AACS: variants seen among roughly 807,000 people sequenced by gnomAD.
The protein encoded by AACS is acetoacetyl-CoA synthetase, also known as acetoacetate-CoA ligase.
AACS carries 69 observed loss-of-function variants against 83.1 expected under a neutral mutation model. That is an observed-to-expected ratio of 0.83 (90% CI 0.68 to 1.01). The LOEUF (loss-of-function observed/expected upper bound fraction) is 1.01. Ranked by LOEUF, AACS falls within the 50% of genes least tolerant of loss-of-function variation. AACS has a pLI of 0.00. For missense variants in AACS, 866 were observed against 882.2 expected, an observed-to-expected ratio of 0.98 and a Z score of 0.23; for synonymous variants, 333 against 343.4, an observed-to-expected ratio of 0.97 and a Z score of 0.33.
At chr12:125,089,321 G>C (rs1014833358) in intron 4 of AACS, among the ~76,000 whole-genome samples, 31 of 152,256 alleles carry the variant, frequency 2.0e-4, no homozygotes, top group Admixed American at 9.2e-4. Flanking sequence ...CCCACTGCAG[G>C]GGGGAGAAGG....
rs182515292 is a variant in AACS at position 125,113,395 on chromosome 12, G to A, written c.916-1082G>A. 7.2e-4 allele frequency among the ~76,000 whole-genome samples: 109 copies of A among 152,342 alleles called. No homozygotes were observed. The highest frequency in any genetic ancestry group is 1.7e-3 in the African/African-American group (71 of 41,576). The stretch of plus-strand genomic sequence containing the variant: ...TGGTCACTGAAGGGGCAGCATCCCC[G>A]TCTGTCCTCAGGATCTTGTACGAGA... On this transcript the variant is annotated intron_variant, in intron 8 of 17. Coordinates refer to ENST00000316519, the MANE Select transcript of AACS (RefSeq NM_023928.5). This position sits in a 1 kb window ranked among gnomAD's most constrained non-coding sequence, Gnocchi z 4.8.
chr12:125,106,629 G>A (rs561503429), intron 7 of AACS, among the ~76,000 whole-genome samples: 13 of 152,130 alleles, frequency 8.5e-5, no homozygotes, highest in Non-Finnish European at 1.6e-4. Context: ...TCCCCACGGG[G>A]GAAGCATCTT....
In AACS at chr12:125,129,343, G is replaced by C. The variant is rs1396794078; in HGVS notation, c.1432G>C (p.Val478Leu). The C allele has an allele frequency of 3.7e-6, 6 of 1,613,140 alleles. No homozygotes were observed. The South Asian group carries it at 6.6e-5, about 18-fold the overall frequency. Reference sequence around the variant, plus strand: ...TAATTCTCCCATACCAGGAAAGGCGGTCTGGGGAGAGAGCGGCGAGCTGGT... The same window carrying C: ...TAATTCTCCCATACCAGGAAAGGCGCTCTGGGGAGAGAGCGGCGAGCTGGT... The part of the protein sequence containing the change: ...VEAWNEEGKA[V>L]WGESGELVCT... Residue 478 changes from valine to leucine, a missense_variant, in exon 14 of 18, where the codon GTC (valine) becomes CTC (leucine). Physicochemically the swap from Val to Leu is conservative, Grantham distance 32. Transcript: ENST00000316519. The surrounding 1 kb of genome is among the most constrained non-coding windows in gnomAD (Gnocchi z 4.3).
intron 3 of AACS, 35 bp from the exon 4 acceptor site, chr12:125,086,295 G>GGT: frequency 6.3e-7 from 1 of 1,583,062 alleles, no homozygotes; most frequent in Non-Finnish European, 8.7e-7. Flanking sequence ...TTTTTGCGGT[G>GGT]GTCTGTGTAC....
rs555038853 is a variant in AACS, at chr12:125,097,066, A to G, written c.570+5543A>G. ...CTTCTGATGGATTTGGGCAGGGTGT[A>G]TGTTAGCATCAGACGCAAGGAGGGC... is the stretch of plus-strand genomic sequence containing the variant. On this transcript the variant is annotated intron_variant, in intron 5 of 17. Transcript: ENST00000316519. This position sits in a 1 kb window ranked among gnomAD's most constrained non-coding sequence, Gnocchi z 4.3. Among the ~76,000 whole-genome samples the G allele has an allele frequency of 3.9e-5, 6 of 152,118 alleles. No individual in the cohort carries two copies. The East Asian group carries it at 7.7e-4, about 20-fold the overall frequency.
intron 1 of AACS, among the ~76,000 whole-genome samples, chr12:125,068,997 G>GC (rs1408167576): frequency 1.1e-4 from 17 of 152,044 alleles, no homozygotes; most frequent in African/African-American, 3.9e-4. Context: ...GCAACACCAA[G>GC]CCCGGCTAAT....
At chr12:125,128,496 G>T in intron 13 of AACS, 1 of 406,360 alleles carries the variant, frequency 2.5e-6, no homozygotes. Flanking sequence ...CTGGAGGACA[G>T]GTGGAGAGAT....
At chr12:125,114,401 C>A (rs1201337639) in intron 8 of AACS, 76 bp from the exon 9 acceptor site, 2 of 1,228,174 alleles carry the variant, frequency 1.6e-6, no homozygotes, top group Non-Finnish European at 2.3e-6. Flanking sequence ...GTCTGAGCAG[C>A]GCGTGGGCCA....
intron 10 of AACS, chr12:125,121,643 G>A (rs1168322583): frequency 6.6e-6 from 1 of 152,228 alleles, no homozygotes; most frequent in Non-Finnish European, 1.5e-5. Flanking sequence ...ACAGAATTAG[G>A]GCCAGGACCC....
intron 3 of AACS, among the ~76,000 whole-genome samples, chr12:125,082,363 A>G (rs1264473973): frequency 6.9e-6 from 1 of 144,748 alleles, no homozygotes; most frequent in South Asian, 2.2e-4. Context: ...TTTTTAAGAG[A>G]TGGGGTCTCC....
intron 5 of AACS, among the ~76,000 whole-genome samples, chr12:125,100,100 C>T (rs1592971441): frequency 6.6e-6 from 1 of 152,212 alleles, no homozygotes; most frequent in Non-Finnish European, 1.5e-5. Flanking sequence ...ACTGCAGCCT[C>T]GAGCTCCTGG....
At chr12:125,072,602 T>C (rs948445064) in intron 1 of AACS, among the ~76,000 whole-genome samples, 1 of 152,196 alleles carries the variant, frequency 6.6e-6, no homozygotes, top group Admixed American at 6.5e-5. Context: ...CTGTATGGCT[T>C]CCCTTGGTCC....
At position 125,114,536 on chromosome 12, in the gene AACS, C is replaced by T; in HGVS notation, c.975C>T (p.Asp325=). 6.2e-7 allele frequency: 1 copy of T among 1,612,584 alleles called. No individual in the cohort carries two copies. The highest frequency in any genetic ancestry group is 8.5e-7 in the Non-Finnish European group (1 of 1,179,318). The change falls in exon 9 of 18, where the codon GAC becomes GAT. Residue 325 remains aspartate (D), a synonymous_variant. Transcript: ENST00000316519. The part of the protein sequence containing the change: ...HLLHGNMTSS[D]ILLCYTTVGW... ...TGCACGGCAACATGACCAGCAGTGACATCCTCCTGTGCTACACCACGGTAA... is the reference window on the plus strand; with the variant it reads ...TGCACGGCAACATGACCAGCAGTGATATCCTCCTGTGCTACACCACGGTAA...
chr12:125,076,712 A>G, intron 3 of AACS, 101 bp downstream of exon 3: 3 of 1,515,328 alleles, frequency 2.0e-6, no homozygotes, highest in South Asian at 1.2e-5. Flanking sequence ...TCTAAACCAT[A>G]TGTTGGCACC....
chr12:125,082,776 G>T (rs1014173016), intron 3 of AACS, among the ~76,000 whole-genome samples: 2 of 152,088 alleles, frequency 1.3e-5, no homozygotes, highest in African/African-American at 2.4e-5. Context: ...AGCTGAAATG[G>T]TGCCATTGCA....
chr12:125,142,495 C>A lies in AACS; in HGVS notation c.*266C>A, dbSNP rs1175165291. The A allele has an allele frequency of 4.1e-5, 20 of 483,364 alleles. No individual in the cohort carries two copies. In the East Asian group the frequency reaches 6.9e-4, roughly 17 times the overall value. 29.9% of individuals were successfully genotyped at this position (483,364 alleles called of 1,614,324 possible). On this transcript the variant is annotated 3_prime_UTR_variant, in exon 18 of 18. Transcript: ENST00000316519. ...TGTGGTGAGAGTGTGTGTCTTTGCA[C>A]ACACAGTGCAGCGGGAACGGTGGGG...
chr12:125,099,767 C>A (rs960167998), intron 5 of AACS, among the ~76,000 whole-genome samples: 3 of 152,186 alleles, frequency 2.0e-5, no homozygotes, highest in Admixed American at 2.0e-4. Context: ...CCTCTGCCTC[C>A]CGGGCTCAAG....
At position 125,130,844 on chromosome 12, in the gene AACS, C is replaced by T. The variant is rs531854003; in HGVS notation, c.1549+1384C>T. On this transcript the variant is annotated intron_variant, in intron 14 of 17. Coordinates refer to ENST00000316519, the MANE Select transcript of AACS (RefSeq NM_023928.5). The surrounding 1 kb of genome is among the most constrained non-coding windows in gnomAD (Gnocchi z 4.9). ...TGAAGTCAGTTTTAAAGGTAGCTTC[C>T]TCCAATACTTCCTGAGTGTAGGTGA... Among the ~76,000 whole-genome samples the T allele has an allele frequency of 2.6e-5, 4 of 152,228 alleles. No homozygotes were observed. In the South Asian group the frequency reaches 6.2e-4, roughly 24 times the overall value.
At chr12:125,099,868 G>T (rs1463788955) in intron 5 of AACS, among the ~76,000 whole-genome samples, 2 of 152,108 alleles carry the variant, frequency 1.3e-5, no homozygotes. Context: ...TAGAGATGGG[G>T]TTTCTCAATT....
Sources: gnomAD v4.1 joint callset for allele counts (sites outside exome capture counted in the v4.1 genomes callset) on GRCh38, gnomAD v4.1.1 for gene constraint, Gnocchi (gnomAD v3.1) non-coding constraint, MANE v1.5 for transcripts, NCBI Gene and HGNC (gene_info 2026-07-23, HGNC 2026-07-21) for gene names.